SLC26A8: variants seen among roughly 807,000 people sequenced by gnomAD.
SLC26A8 encodes solute carrier family 26 member 8.
SLC26A8 carries 70 observed loss-of-function variants against 105.0 expected under a neutral mutation model. The ratio of observed to expected loss-of-function variants is 0.67; its 90% CI spans 0.55 to 0.81. The LOEUF (loss-of-function observed/expected upper bound fraction) is 0.81. Ranked by LOEUF, SLC26A8 falls within the 40% of genes least tolerant of loss-of-function variation. The probability of loss-of-function intolerance (pLI) is 0.00; values close to 1 mark genes in which losing one functional copy is unlikely to be tolerated. For synonymous variants in SLC26A8, 415 were observed against 438.3 expected (o/e 0.95, Z 0.66); for missense variants, 998 against 1,181.8 (o/e 0.84, Z 2.28).
At position 36,022,258 on chromosome 6, in the gene SLC26A8, C is replaced by T. The variant is rs553662948; in HGVS notation, c.-3+2246G>A. On this transcript the variant is annotated intron_variant, in intron 1 of 19. Transcript: ENST00000490799. Reference sequence around the variant, plus strand: ...CTGGGATTACAGGCGTGAGCCACTGCGCCTGGCCTATTTAAAGTCTTTCAG... The same window carrying T: ...CTGGGATTACAGGCGTGAGCCACTGTGCCTGGCCTATTTAAAGTCTTTCAG... Among the ~76,000 whole-genome samples the T allele has an allele frequency of 6.6e-5, 10 of 152,294 alleles. No individual in the cohort carries two copies. The South Asian group carries it at 1.0e-3, about 16-fold the overall frequency.
At chr6:35,953,814 C>T (rs1334576591) in intron 17 of SLC26A8, among the ~76,000 whole-genome samples, 1 of 152,170 alleles carries the variant, frequency 6.6e-6, no homozygotes, top group Non-Finnish European at 1.5e-5. Context: ...GAGCATACAT[C>T]CCAGACTGCA....
chr6:35,951,097 CCT>C, intron 19 of SLC26A8, 64 bp downstream of exon 19: 4 of 1,363,032 alleles, frequency 2.9e-6, no homozygotes, highest in Non-Finnish European at 3.1e-6. Flanking sequence ...CCCAACCACC[CCT>C]CACCCATCCC....
At chr6:36,014,736 G>A (rs934683537) in intron 2 of SLC26A8, among the ~76,000 whole-genome samples, 1 of 151,684 alleles carries the variant, frequency 6.6e-6, no homozygotes, top group African/African-American at 2.4e-5. Flanking sequence ...AAAAATAAAC[G>A]AGGTCTGTAG....
Position 36,024,595 on chromosome 6 carries a change from G to T in SLC26A8, c.-94C>A, listed in dbSNP as rs1328539242. 5.4e-6 allele frequency: 2 copies of T among 371,462 alleles called. No homozygotes were observed. Among genetic ancestry groups the T allele is most frequent in the South Asian group, 4.0e-5 (2 of 50,102 alleles). 23.0% of individuals were successfully genotyped at this position (371,462 alleles called of 1,614,324 possible). A position where few individuals can be genotyped will look rare whatever the true frequency, so the allele number is the denominator to read the frequency against. ...CGCTGCGGACGCGGATACCGGCGGC[G>T]GTTCCCGAGCCGTTGTGGCCTAGCC... On this transcript the variant is annotated 5_prime_UTR_variant, in exon 1 of 20. Transcript: ENST00000490799.
In SLC26A8 at chr6:36,012,212, C is replaced by T. The variant is rs1404800624; in HGVS notation, c.328+21G>A. 1.9e-6 allele frequency: 3 copies of T among 1,607,742 alleles called. No individual in the cohort carries two copies. In the East Asian group the frequency reaches 6.7e-5, roughly 36 times the overall value. On this transcript the variant is annotated intron_variant, in intron 3 of 19. Coordinates refer to ENST00000490799, the MANE Select transcript of SLC26A8 (RefSeq NM_052961.4). ...GTCTGATACATTGTCTTTGGATGAACAGGCTTCATATCTTCCTTACCTTGG... is the reference window on the plus strand; with the variant it reads ...GTCTGATACATTGTCTTTGGATGAATAGGCTTCATATCTTCCTTACCTTGG...
chr6:35,959,409 C>T lies in SLC26A8; in HGVS notation c.1863+51G>A, dbSNP rs147953943. 2.0e-3 allele frequency: 3,117 copies of T among 1,554,204 alleles called. 39 individuals are homozygous for T. Among genetic ancestry groups the T allele is most frequent in the South Asian group, 0.018 (1,473 of 80,390 alleles). ...TTTTTTTTAAGAAATGACTAGTGTA[C>T]TTGTTTATAAAATATGGAGAAAAAC... On this transcript the variant is annotated intron_variant, in intron 16 of 19. Transcript: ENST00000490799.
At chr6:35,998,919 A>G (rs1015215947) in intron 4 of SLC26A8, among the ~76,000 whole-genome samples, 1 of 152,010 alleles carries the variant, frequency 6.6e-6, no homozygotes, top group Non-Finnish European at 1.5e-5. Flanking sequence ...TTTGAGACGG[A>G]GTTTCGCTCT....
Position 35,981,911 on chromosome 6 carries a change from G to T in SLC26A8, c.1025+210C>A, listed in dbSNP as rs1773282313. Among the ~76,000 whole-genome samples, 1 of 152,172 alleles carries T rather than the reference G, an allele frequency of 6.6e-6. No homozygotes were observed. Among genetic ancestry groups the T allele is most frequent in the Non-Finnish European group, 1.5e-5 (1 of 68,026 alleles). Reference sequence around the variant, plus strand: ...ACAGTTTTCCTGGATAAGGGGATGGGTTCAACTATGAGAAGAGAGACAGAG... The same window carrying T: ...ACAGTTTTCCTGGATAAGGGGATGGTTTCAACTATGAGAAGAGAGACAGAG... On this transcript the variant is annotated intron_variant, in intron 8 of 19. Coordinates refer to ENST00000490799, the MANE Select transcript of SLC26A8 (RefSeq NM_052961.4). This position sits in a 1 kb window ranked among gnomAD's most constrained non-coding sequence, Gnocchi z 4.0.
At chr6:36,002,905 T>C (rs1761566935) in intron 3 of SLC26A8, among the ~76,000 whole-genome samples, 1 of 152,114 alleles carries the variant, frequency 6.6e-6, no homozygotes, top group Admixed American at 6.6e-5. Context: ...GGTTTCACCA[T>C]GTTGGCCAGG....
At chr6:35,972,074 T>A (rs574197165) in intron 10 of SLC26A8, among the ~76,000 whole-genome samples, 29 of 152,210 alleles carry the variant, frequency 1.9e-4, no homozygotes, top group African/African-American at 6.0e-4. Context: ...TGGAGGGAAA[T>A]GAGTTCTAGA....
At chr6:35,967,203 A>C (rs1419012848) in intron 11 of SLC26A8, among the ~76,000 whole-genome samples, 1 of 152,182 alleles carries the variant, frequency 6.6e-6, no homozygotes, top group Non-Finnish European at 1.5e-5. Context: ...AGAAGGCAGC[A>C]GCAGCCTTGT....
intron 7 of SLC26A8, among the ~76,000 whole-genome samples, chr6:35,983,506 T>C (rs1249694275): frequency 6.6e-6 from 1 of 152,128 alleles, no homozygotes; most frequent in African/African-American, 2.4e-5. Flanking sequence ...TGGATCTCAG[T>C]TGTTGCCTTG....
intron 11 of SLC26A8, 138 bp downstream of exon 11, chr6:35,968,738 TG>T (rs1772654763): frequency 1.7e-6 from 1 of 595,298 alleles, no homozygotes; most frequent in African/African-American, 1.9e-5. Context: ...GAGCAACCAT[TG>T]GGGATAATCC....
intron 7 of SLC26A8, among the ~76,000 whole-genome samples, chr6:35,987,328 C>T (rs529700112): frequency 2.6e-5 from 4 of 152,162 alleles, no homozygotes; most frequent in Non-Finnish European, 5.9e-5. Flanking sequence ...AGCTTCTTTG[C>T]AAGCAGTGCC....
chr6:35,959,317 C>T lies in SLC26A8; in HGVS notation c.1863+143G>A, dbSNP rs116078812. On this transcript the variant is annotated intron_variant, in intron 16 of 19. Transcript: ENST00000490799. Reference sequence around the variant, plus strand: ...GTCAAGCCTCCAAGGTGAGAGGAACCTTGTATCTTAATTTCTGAATTCTTC... The same window carrying T: ...GTCAAGCCTCCAAGGTGAGAGGAACTTTGTATCTTAATTTCTGAATTCTTC... The T allele has an allele frequency of 8.6e-4, 793 of 921,392 alleles. 3 individuals are homozygous for T. In the African/African-American group the frequency reaches 0.011, roughly 13 times the overall value. 57.1% of individuals were successfully genotyped at this position (921,392 alleles called of 1,614,324 possible). A position where few individuals can be genotyped will look rare whatever the true frequency, so the allele number is the denominator to read the frequency against.
chr6:35,968,605 GTGTGTATATATATATATATATATATA>G (rs1233418910), intron 11 of SLC26A8, among the ~76,000 whole-genome samples: 22 of 53,860 alleles, frequency 4.1e-4, no homozygotes, highest in South Asian at 6.0e-4. Flanking sequence ...GTGTGTGTGT[GTGTGTATATATATATATATATATATA>G]TATATATATA....
At chr6:35,993,156 A>AATTT (rs1562054653) in intron 5 of SLC26A8, among the ~76,000 whole-genome samples, 3 of 87,554 alleles carry the variant, frequency 3.4e-5, no homozygotes, top group African/African-American at 4.3e-5. Flanking sequence ...CACACTGGGC[A>AATTT]TTTTTTTTTT....
At chr6:35,946,100 T>C (rs1771647929) in intron 19 of SLC26A8, among the ~76,000 whole-genome samples, 1 of 152,206 alleles carries the variant, frequency 6.6e-6, no homozygotes, top group Non-Finnish European at 1.5e-5. Flanking sequence ...TTTGGGCCCA[T>C]AATTTTCATT....
rs747653113 is a variant in SLC26A8 at position 35,959,343 on chromosome 6, A to G, written c.1863+117T>C. 1.7e-5 allele frequency: 20 copies of G among 1,149,380 alleles called. 1 individual carries two copies. Among genetic ancestry groups the G allele is most frequent in the Non-Finnish European group, 2.3e-5 (19 of 834,370 alleles). The allele number at this position is 1,149,380 out of a possible 1,614,324, so 71.2% of individuals were successfully genotyped here. On this transcript the variant is annotated intron_variant, in intron 16 of 19. Coordinates refer to ENST00000490799, the MANE Select transcript of SLC26A8 (RefSeq NM_052961.4). Reference sequence around the variant, plus strand: ...TTGTATCTTAATTTCTGAATTCTTCATGGTCCATCTAAAAGTCAAAATCCC... The same window carrying G: ...TTGTATCTTAATTTCTGAATTCTTCGTGGTCCATCTAAAAGTCAAAATCCC...
Sources: gnomAD v4.1 joint callset for allele counts (sites outside exome capture counted in the v4.1 genomes callset) on GRCh38, gnomAD v4.1.1 for gene constraint, Gnocchi (gnomAD v3.1) non-coding constraint, MANE v1.5 for transcripts, NCBI Gene and HGNC (gene_info 2026-07-23, HGNC 2026-07-21) for gene names.